Variants in KRT76 observed in about 807,000 individuals in gnomAD.
The protein encoded by KRT76 is keratin 76.
A neutral mutation model predicts 44.9 loss-of-function variants in KRT76; 47 were observed. That is an observed-to-expected ratio of 1.05 (90% CI 0.83 to 1.33). The LOEUF is 1.33. Ranked by LOEUF, KRT76 falls within the 40% of genes most tolerant of loss-of-function variation. The pLI is 0.00. For missense variants in KRT76, 860 were observed against 775.8 expected (o/e 1.11, Z -1.29); for synonymous variants, 331 against 294.1 (o/e 1.13, Z -1.28).
chr12:52,777,277 A>T lies in KRT76; in HGVS notation c.15T>A (p.Val5=), dbSNP rs1565673910. The T allele has an allele frequency of 6.2e-7, 1 of 1,614,156 alleles. No homozygotes were observed. The highest frequency in any genetic ancestry group is 8.5e-7 in the Non-Finnish European group (1 of 1,180,042). The part of the protein sequence containing the change: MNRQ[V]CKKSFSGRSQ... ...TCCTGCCACTGAAGGATTTCTTGCA[A>T]ACTTGTCTGTTCATAGTGAGAGAGC... Residue 5 remains valine (V), a synonymous_variant, in exon 1 of 9, where the codon GTT becomes GTA. Transcript: ENST00000332411.
Position 52,771,932 on chromosome 12 carries a change from A to G in KRT76, c.1202T>C (p.Ile401Thr), listed in dbSNP as rs745895184. ...GDDLRNTKSE[I>T]MELNRMIQRL... ...CTGGATCATCCTGTTGAGCTCCATG[A>G]TCTCACTCTTGGTGTTCCTCAGGTC... Residue 401 changes from isoleucine to threonine, a missense_variant, in exon 6 of 9, where the codon ATC becomes ACC. Ile to Thr is a moderately conservative substitution (Grantham distance 89). Transcript: ENST00000332411. The G allele has an allele frequency of 6.2e-7, 1 of 1,614,090 alleles. No individual in the cohort carries two copies. The highest frequency in any genetic ancestry group is 1.3e-5 in the African/African-American group (1 of 75,030).
chr12:52,771,375 G>T (rs1246129024), intron 6 of KRT76, among the ~76,000 whole-genome samples, 156 bp from the exon 7 acceptor site: 2 of 152,188 alleles, frequency 1.3e-5, no homozygotes, highest in East Asian at 3.9e-4. Flanking sequence ...TTTGCAGTTG[G>T]TTAATTCATC....
intron 4 of KRT76, 48 bp downstream of exon 4, chr12:52,772,735 G>T: frequency 7.4e-7 from 1 of 1,342,960 alleles, no homozygotes; most frequent in Non-Finnish European, 1.1e-6. Context: ...GTTATGCTTG[G>T]GAAGAATCAG....
In KRT76 at chr12:52,775,482, G is replaced by C; in HGVS notation, c.721C>G (p.Leu241Val). The change falls in exon 2 of 9, where the codon CTA becomes GTA. Residue 241 changes from leucine to valine, a missense_variant. Physicochemically the swap from Leu to Val is conservative, Grantham distance 32 (BLOSUM62 1). Transcript: ENST00000332411. ...EPCFESYISF[L>V]CKQLDSLLGE... ...AGAAGTGAATCTAGCTGCTTGCATA[G>C]GAAGCTGATGTAGGATTCAAAACAA... 2 of 1,614,208 alleles carry C rather than the reference G, an allele frequency of 1.2e-6. No homozygotes were observed. Among genetic ancestry groups the C allele is most frequent in the Non-Finnish European group, 1.7e-6 (2 of 1,180,028 alleles).
At chr12:52,775,051 G>A (rs1939239119) in intron 2 of KRT76, among the ~76,000 whole-genome samples, 1 of 152,202 alleles carries the variant, frequency 6.6e-6, no homozygotes, top group African/African-American at 2.4e-5. Context: ...TGGAATACAG[G>A]AATACGCATT....
intron 7 of KRT76, 56 bp from the exon 8 acceptor site, chr12:52,769,639 T>C: frequency 1.3e-6 from 2 of 1,535,104 alleles, no homozygotes; most frequent in South Asian, 2.2e-5. Context: ...AACCAAAGAG[T>C]TGAGAGTTCA....
At position 52,776,541 on chromosome 12, in the gene KRT76, G is replaced by GGGCAT. The variant is rs1338449945; in HGVS notation, c.600+146_600+150dup. The GGGCAT allele has an allele frequency of 3.3e-6, 4 of 1,221,904 alleles. No homozygotes were observed. The African/African-American group carries it at 6.1e-5, about 19-fold the overall frequency. The allele number at this position is 1,221,904 out of a possible 1,614,324, so 75.7% of individuals were successfully genotyped here. A position where few individuals can be genotyped will look rare whatever the true frequency, so the allele number is the denominator to read the frequency against. On this transcript the variant is annotated intron_variant, in intron 1 of 8. Coordinates refer to ENST00000332411, the MANE Select transcript of KRT76 (RefSeq NM_015848.4). The stretch of plus-strand genomic sequence containing the variant: ...AAAAAGAAGGCCCAAAAAGTGAAAG[G>GGGCAT]GGCATGATCACTGTCCTGTAGGGAC...
chr12:52,776,393 A>G (rs1358900692), intron 1 of KRT76, among the ~76,000 whole-genome samples: 1 of 152,242 alleles, frequency 6.6e-6, no homozygotes, highest in Non-Finnish European at 1.5e-5. Flanking sequence ...CAATAATTTC[A>G]TGACTAAAAT....
At position 52,776,936 on chromosome 12, in the gene KRT76, G is replaced by A. The variant is rs761993409; in HGVS notation, c.356C>T (p.Ala119Val). 33 of 1,613,338 alleles carry A rather than the reference G, an allele frequency of 2.0e-5. No individual in the cohort carries two copies. In the East Asian group the frequency reaches 6.5e-4, roughly 32 times the overall value. ...GRGVGSGFGGAGGFGGAGGFG... is the reference protein window; with the variant it reads ...GRGVGSGFGGVGGFGGAGGFG... Reference sequence around the variant, plus strand: ...GCCACCAGCTCCACCAAAGCCACCAGCCCCTCCAAAACCACTACCTACTCC... The same window carrying A: ...GCCACCAGCTCCACCAAAGCCACCAACCCCTCCAAAACCACTACCTACTCC... Residue 119 changes from alanine (A) to valine (V), a missense_variant, in exon 1 of 9, where the codon GCT (alanine) becomes GTT (valine). Coordinates refer to ENST00000332411, the MANE Select transcript of KRT76 (RefSeq NM_015848.4).
At position 52,773,613 on chromosome 12, in the gene KRT76, G is replaced by A. The variant is rs1267460079; in HGVS notation, c.845C>T (p.Ala282Val). ...KYEDEINKRT[A>V]AENEFVGLKK... ...GAGCCCCACAAACTCATTCTCTGCGGCAGTGCGTTTGTTGATTTCATCTTC... is the reference window on the plus strand; with the variant it reads ...GAGCCCCACAAACTCATTCTCTGCGACAGTGCGTTTGTTGATTTCATCTTC... Residue 282 changes from alanine to valine, a missense_variant, in exon 3 of 9, where the codon GCC (alanine) becomes GTC (valine). By Grantham distance (64) the Ala-to-Val change is moderately conservative. Transcript: ENST00000332411. The A allele has an allele frequency of 6.2e-7, 1 of 1,613,298 alleles. No homozygotes were observed. Among genetic ancestry groups the A allele is most frequent in the South Asian group, 1.1e-5 (1 of 90,976 alleles).
At chr12:52,771,788 A>C in intron 6 of KRT76, 83 bp downstream of exon 6, 2 of 1,483,116 alleles carry the variant, frequency 1.3e-6, no homozygotes, top group South Asian at 1.3e-5. Context: ...TGGAGAGAGC[A>C]TGTAGCAGAG....
intron 1 of KRT76, 80 bp downstream of exon 1, chr12:52,776,612 C>T (rs1939263593): frequency 1.2e-6 from 2 of 1,608,268 alleles, no homozygotes; most frequent in Non-Finnish European, 1.7e-6. Context: ...CCCTGTGTCT[C>T]ACAAGTCCCC....
rs1293706664 is a variant in KRT76, at chr12:52,771,078, G to A, written c.1405C>T (p.Gln469Ter). The A allele has an allele frequency of 6.2e-7, 1 of 1,614,128 alleles. No individual in the cohort carries two copies. Among genetic ancestry groups the A allele is most frequent in the Non-Finnish European group, 8.5e-7 (1 of 1,180,020 alleles). The part of the protein sequence containing the change: ...DDLARLLRDY[Q>*]ELMNVKLALD... ...GCCAGCTTGACGTTCATCAGCTCCT[G>A]GTAGTCACGCAGGAGCCGAGCCAGG... Residue 469 changes from glutamine (Q) to a stop codon, truncating the protein, a stop_gained, in exon 7 of 9, where the codon CAG becomes TAG. Coordinates refer to ENST00000332411, the MANE Select transcript of KRT76 (RefSeq NM_015848.4). LOFTEE classifies it high-confidence loss of function.
Position 52,775,614 on chromosome 12 carries a change from A to C in KRT76, c.601-12T>G. 1 of 1,610,054 alleles carries C rather than the reference A, an allele frequency of 6.2e-7. No individual in the cohort carries two copies. The highest frequency in any genetic ancestry group is 8.5e-7 in the Non-Finnish European group (1 of 1,177,744). On this transcript the variant is annotated splice_polypyrimidine_tract_variant and intron_variant, in intron 1 of 8. Transcript: ENST00000332411. ...TCCAGGAACCGCACCTGCATGAAAG[A>C]GGGGAGAAAAGGAGTCAGCCCCTTG...
intron 6 of KRT76, 152 bp downstream of exon 6, chr12:52,771,719 T>C (rs1939183813): frequency 1.0e-6 from 1 of 952,508 alleles, no homozygotes; most frequent in African/African-American, 1.6e-5. Flanking sequence ...AACAAAAACA[T>C]CTGGGAGAAC....
At chr12:52,774,725 G>A (rs1387088520) in intron 2 of KRT76, among the ~76,000 whole-genome samples, 2 of 152,234 alleles carry the variant, frequency 1.3e-5, no homozygotes, top group African/African-American at 2.4e-5. Context: ...CCACGTTTGT[G>A]TGGTTGAATT....
In KRT76 at chr12:52,771,887, T is replaced by C. The variant is rs1201507974; in HGVS notation, c.1247A>G (p.Glu416Gly). 1.2e-6 allele frequency: 2 copies of C among 1,613,854 alleles called. No homozygotes were observed. The highest frequency in any genetic ancestry group is 1.7e-5 in the Admixed American group (1 of 60,004). ...CAGCCCCACCTGCTTCTTGACATTT[T>C]CAATCTCAGCCCGTAGCCTCTGGAT... ...RMIQRLRAEI[E>G]NVKKQNANLQ... Residue 416 changes from glutamate (E) to glycine (G), a missense_variant, in exon 6 of 9, where the codon GAA (glutamate) becomes GGA (glycine). By Grantham distance (98) the Glu-to-Gly change is moderately conservative. Transcript: ENST00000332411.
At chr12:52,772,020 C>A (rs754641317) in intron 5 of KRT76, 24 bp from the exon 6 acceptor site, 3 of 1,611,614 alleles carry the variant, frequency 1.9e-6, no homozygotes, top group Non-Finnish European at 2.5e-6. Flanking sequence ...AACCAATCAA[C>A]GTGGCTTTTG....
chr12:52,768,628 C>T lies in KRT76; in HGVS notation c.*85G>A. ...AGGAAAAATGTGGTTGACCCTTATGCATCTATTGATGCCAAGCAGAGAGTG... is the reference window on the plus strand; with the variant it reads ...AGGAAAAATGTGGTTGACCCTTATGTATCTATTGATGCCAAGCAGAGAGTG... On this transcript the variant is annotated 3_prime_UTR_variant, in exon 9 of 9. Transcript: ENST00000332411. 7 of 1,448,612 alleles carry T rather than the reference C, an allele frequency of 4.8e-6. No individual in the cohort carries two copies. The highest frequency in any genetic ancestry group is 6.6e-6 in the Non-Finnish European group (7 of 1,067,446). 89.7% of individuals were successfully genotyped at this position (1,448,612 alleles called of 1,614,324 possible).
Sources: gnomAD v4.1 joint callset for allele counts (sites outside exome capture counted in the v4.1 genomes callset) on GRCh38, gnomAD v4.1.1 for gene constraint, MANE v1.5 for transcripts, NCBI Gene and HGNC (gene_info 2026-07-23, HGNC 2026-07-21) for gene names.